The following TRPM3 variants were observed in gnomAD, a reference collection of about 807,000 sequenced individuals.
TRPM3 encodes the protein transient receptor potential cation channel subfamily M member 3, also known as long transient receptor potential channel 3.
A neutral mutation model predicts 181.2 loss-of-function variants in TRPM3; 77 were observed. The observed-to-expected ratio is 0.42, with a 90% CI of 0.35 to 0.51. The LOEUF (loss-of-function observed/expected upper bound fraction) is 0.51. TRPM3 is among the 20% of genes least tolerant of loss of function. The pLI, the probability that TRPM3 is intolerant of heterozygous loss-of-function variation, is 0.01. For synonymous variants in TRPM3, 745 were observed against 796.4 expected (o/e 0.94, Z 1.09); for missense variants, 1,759 against 2,196.7 (o/e 0.80, Z 3.98).
At chr9:71,246,528 A>G (rs2082043141) in intron 1 of TRPM3, among the ~76,000 whole-genome samples, 1 of 152,216 alleles carries the variant, frequency 6.6e-6, no homozygotes, top group Non-Finnish European at 1.5e-5. Flanking sequence ...ATGGATTGAG[A>G]CTTTTAACTA....
At chr9:71,232,527 G>T (rs897809517) in intron 1 of TRPM3, among the ~76,000 whole-genome samples, 2 of 110,706 alleles carry the variant, frequency 1.8e-5, no homozygotes, top group Non-Finnish European at 3.5e-5. Context: ...TTGAGACAGG[G>T]TCTTGCTCTG....
chr9:70,953,540 C>T (rs1183716752), intron 1 of TRPM3, among the ~76,000 whole-genome samples: 1 of 152,008 alleles, frequency 6.6e-6, no homozygotes, highest in Admixed American at 6.6e-5. Flanking sequence ...TTTTGAGAAA[C>T]TTGATTATAT....
Position 70,536,361 on chromosome 9 carries a change from A to C in TRPM3, c.4752T>G (p.Leu1584=). Residue 1584 remains leucine (L), a synonymous_variant, in exon 26 of 26, where the codon CTT becomes CTG. Transcript: ENST00000677713. ...IADRAAFPGG[L]GDKVEDLTCC... ...AAGTTAAGTCCTCCACTTTGTCTCCAAGACCTCCAGGGAAGGCAGCTCTGT... is the reference window on the plus strand; with the variant it reads ...AAGTTAAGTCCTCCACTTTGTCTCCCAGACCTCCAGGGAAGGCAGCTCTGT... 6.2e-7 allele frequency: 1 copy of C among 1,614,060 alleles called. No homozygotes were observed. Among genetic ancestry groups the C allele is most frequent in the Non-Finnish European group, 8.5e-7 (1 of 1,179,996 alleles).
At chr9:71,126,448 A>T (rs1476393868), upstream of TRPM3, among the ~76,000 whole-genome samples, 3 of 152,218 alleles carry the variant, frequency 2.0e-5, no homozygotes, top group Non-Finnish European at 2.9e-5. Flanking sequence ...TTACTCCAAT[A>T]GAGCTATAAC....
chr9:71,095,819 G>C (rs2067091565), intron 1 of TRPM3, among the ~76,000 whole-genome samples: 1 of 149,944 alleles, frequency 6.7e-6, no homozygotes, highest in Non-Finnish European at 1.5e-5. Flanking sequence ...GAGAGAGACT[G>C]ACAAAATTTC....
intron 6 of TRPM3, among the ~76,000 whole-genome samples, chr9:70,790,038 GATATGAAACCATA>G (rs768577037): frequency 3.3e-5 from 5 of 152,168 alleles, no homozygotes; most frequent in Non-Finnish European, 7.3e-5. Flanking sequence ...TCTCTCTGCT[GATATGAAACCATA>G]ATCTATGATC....
chr9:70,700,711 A>C (rs1427161063), intron 8 of TRPM3, among the ~76,000 whole-genome samples: 1 of 152,232 alleles, frequency 6.6e-6, no homozygotes, highest in African/African-American at 2.4e-5. Flanking sequence ...AACTTTCATC[A>C]GATTGATCTC....
chr9:71,331,663 AGAG>A (rs144910157), intron 1 of TRPM3, among the ~76,000 whole-genome samples: 6,778 of 122,482 alleles, frequency 0.055, 429 homozygotes, highest in African/African-American at 0.16. Context: ...AGGAGAGGGA[AGAG>A]GAGGAGGAGG....
intron 9 of TRPM3, among the ~76,000 whole-genome samples, chr9:70,656,651 A>G (rs1046622736): frequency 2.6e-5 from 4 of 152,232 alleles, no homozygotes; most frequent in Non-Finnish European, 5.9e-5. Flanking sequence ...ACAAAATAAA[A>G]TAATTAGGCA....
At chr9:70,544,639 G>T (rs909369712) in intron 25 of TRPM3, among the ~76,000 whole-genome samples, 4 of 152,002 alleles carry the variant, frequency 2.6e-5, no homozygotes, top group Admixed American at 1.3e-4. Flanking sequence ...TATAGTAAGT[G>T]TGGTTATCAA....
chr9:71,193,027 T>G (rs1005135698), intron 1 of TRPM3, among the ~76,000 whole-genome samples: 3 of 151,920 alleles, frequency 2.0e-5, no homozygotes, highest in African/African-American at 7.2e-5. Context: ...ATGTGTAACT[T>G]TAGCTTTAAA....
chr9:71,089,187 C>A (rs933686082), intron 1 of TRPM3, among the ~76,000 whole-genome samples: 1 of 145,110 alleles, frequency 6.9e-6, no homozygotes, highest in African/African-American at 2.5e-5. Context: ...TTTTATGATA[C>A]GTGAATATAT....
intron 22 of TRPM3, among the ~76,000 whole-genome samples, chr9:70,586,167 A>G (rs1234577063): frequency 6.6e-6 from 1 of 152,128 alleles, no homozygotes; most frequent in African/African-American, 2.4e-5. Flanking sequence ...ATCTCTACAC[A>G]TGTATCGTCA....
At chr9:71,217,186 G>A (rs947440475) in intron 1 of TRPM3, among the ~76,000 whole-genome samples, 1 of 151,466 alleles carries the variant, frequency 6.6e-6, no homozygotes, top group Non-Finnish European at 1.5e-5. Flanking sequence ...TCCTGACCTC[G>A]TGATCCGCCC....
intron 3 of TRPM3, among the ~76,000 whole-genome samples, chr9:70,847,734 G>A (rs1031617209): frequency 6.6e-6 from 1 of 152,194 alleles, no homozygotes; most frequent in Non-Finnish European, 1.5e-5. Flanking sequence ...CTAGGTGGAT[G>A]AGGAAAAAAT....
At chr9:71,013,060 T>C (rs2097758264) in intron 1 of TRPM3, among the ~76,000 whole-genome samples, 1 of 152,120 alleles carries the variant, frequency 6.6e-6, no homozygotes, top group South Asian at 2.1e-4. Context: ...TTTGTACAGA[T>C]GCTACACATA....
intron 1 of TRPM3, among the ~76,000 whole-genome samples, chr9:70,993,214 G>T (rs935854640): frequency 6.6e-6 from 1 of 152,076 alleles, no homozygotes; most frequent in African/African-American, 2.4e-5. Flanking sequence ...AATTTTATCT[G>T]TATTTCATAA....
chr9:71,287,178 A>G (rs1404674528), intron 1 of TRPM3, among the ~76,000 whole-genome samples: 2 of 148,728 alleles, frequency 1.3e-5, no homozygotes, highest in Non-Finnish European at 3.0e-5. Flanking sequence ...AAATAACATA[A>G]TAAGATAGTA....
intron 22 of TRPM3, among the ~76,000 whole-genome samples, chr9:70,589,417 G>C (rs2057728180): frequency 6.6e-6 from 1 of 152,092 alleles, no homozygotes; most frequent in Non-Finnish European, 1.5e-5. Context: ...ACTTCCCTGG[G>C]GGCTTAATCT....
Sources: allele counts gnomAD v4.1 joint callset (sites outside exome capture counted in the v4.1 genomes callset), GRCh38; gene constraint gnomAD v4.1.1; transcripts MANE v1.5; gene names NCBI Gene and HGNC (gene_info 2026-07-23, HGNC 2026-07-21).